The following GKAP1 variants were observed in gnomAD, a reference collection of about 807,000 sequenced individuals.
GKAP1 encodes G kinase-anchoring protein 1.
Under a neutral mutation model 56.7 loss-of-function variants are expected in GKAP1, and 31 were observed. The observed-to-expected ratio is 0.55, with a 90% CI of 0.41 to 0.74. The LOEUF is 0.74. GKAP1 is among the 30% of genes least tolerant of loss of function. GKAP1 has a pLI of 0.00. For synonymous variants in GKAP1, 151 were observed against 138.6 expected, an observed-to-expected ratio of 1.09 and a Z score of -0.63; for missense variants, 364 against 402.3, an observed-to-expected ratio of 0.90 and a Z score of 0.82.
chr9:83,788,568 C>T, intron 5 of GKAP1, 33 bp downstream of exon 5: 1 of 1,264,360 alleles, frequency 7.9e-7, no homozygotes, highest in Non-Finnish European at 1.1e-6. Context: ...ACTTAAACTT[C>T]TAAAATATCT....
chr9:83,785,208 A>G (rs1944043874), intron 5 of GKAP1, among the ~76,000 whole-genome samples: 1 of 152,132 alleles, frequency 6.6e-6, no homozygotes. Flanking sequence ...TTATTGCCAT[A>G]TCCAAAACAC....
In GKAP1 at chr9:83,753,946, A is replaced by G. The variant is rs1052713060; in HGVS notation, c.739-587T>C. Among the ~76,000 whole-genome samples the G allele has an allele frequency of 2.0e-5, 3 of 152,354 alleles. No homozygotes were observed. The East Asian group carries it at 5.8e-4, about 29-fold the overall frequency. ...ACTTTGTAAGTTCAATAACATTTCAATAGAAATCCCAATAGGATGTTGTTC... is the reference window on the plus strand; with the variant it reads ...ACTTTGTAAGTTCAATAACATTTCAGTAGAAATCCCAATAGGATGTTGTTC... On this transcript the variant is annotated intron_variant, in intron 8 of 12. Transcript: ENST00000376371.
chr9:83,767,283 G>C (rs1442845640), intron 8 of GKAP1, among the ~76,000 whole-genome samples: 2 of 152,124 alleles, frequency 1.3e-5, no homozygotes, highest in East Asian at 1.9e-4. Context: ...GTTTGTAGCA[G>C]AGGCTGGCAA....
At chr9:83,804,360 C>A (rs1944393015) in intron 3 of GKAP1, among the ~76,000 whole-genome samples, 1 of 122,426 alleles carries the variant, frequency 8.2e-6, no homozygotes, top group Non-Finnish European at 1.7e-5. Context: ...GGGGTCAGCC[C>A]CCCGCCCGGC....
intron 2 of GKAP1, among the ~76,000 whole-genome samples, chr9:83,815,040 C>T (rs1338560689): frequency 3.9e-5 from 6 of 152,000 alleles, no homozygotes; most frequent in African/African-American, 1.4e-4. Flanking sequence ...GGCATGGTGG[C>T]GCACGCCTGT....
At position 83,788,586 on chromosome 9, in the gene GKAP1, T is replaced by G. The variant is rs2131298562; in HGVS notation, c.438+15A>C. The G allele has an allele frequency of 7.2e-7, 1 of 1,384,832 alleles. No homozygotes were observed. The highest frequency in any genetic ancestry group is 1.0e-6 in the Non-Finnish European group (1 of 992,832). The allele number at this position is 1,384,832 out of a possible 1,614,324, so 85.8% of individuals were successfully genotyped here. ...TAAACTTCTAAAATATCTAAATCAGTAAGTATGTAAATACCTTTTTGTGCT... is the reference window on the plus strand; with the variant it reads ...TAAACTTCTAAAATATCTAAATCAGGAAGTATGTAAATACCTTTTTGTGCT... On this transcript the variant is annotated intron_variant, in intron 5 of 12. Transcript: ENST00000376371.
intron 4 of GKAP1, among the ~76,000 whole-genome samples, chr9:83,794,827 A>G (rs1028385943): frequency 2.0e-5 from 3 of 152,202 alleles, no homozygotes; most frequent in East Asian, 1.9e-4. Flanking sequence ...TTGGTGAACA[A>G]TATGTTTCTT....
intron 7 of GKAP1, among the ~76,000 whole-genome samples, chr9:83,775,479 A>G (rs1172072211): frequency 1.3e-5 from 2 of 152,208 alleles, no homozygotes; most frequent in Non-Finnish European, 2.9e-5. Context: ...ATATCACACC[A>G]TCTAGGAAAT....
chr9:83,740,735 C>A (rs1244062296), intron 12 of GKAP1, among the ~76,000 whole-genome samples: 1 of 152,086 alleles, frequency 6.6e-6, no homozygotes, highest in Non-Finnish European at 1.5e-5. Flanking sequence ...TGGGAACTAC[C>A]TTTTCTGTGG....
rs929950434 is a variant in GKAP1 at position 83,753,376 on chromosome 9, A to G, written c.739-17T>C. 3 of 1,418,284 alleles carry G rather than the reference A, an allele frequency of 2.1e-6. No homozygotes were observed. Among genetic ancestry groups the G allele is most frequent in the Non-Finnish European group, 3.0e-6 (3 of 1,004,074 alleles). 87.9% of individuals were successfully genotyped at this position (1,418,284 alleles called of 1,614,324 possible). A position where few individuals can be genotyped will look rare whatever the true frequency, so the allele number is the denominator to read the frequency against. ...AACCACTTCCTGAAAAGAGAGAAAC[A>G]ACACTTTAGGACTTTGATTATTCCG... On this transcript the variant is annotated splice_polypyrimidine_tract_variant and intron_variant, in intron 8 of 12. Coordinates refer to ENST00000376371, the MANE Select transcript of GKAP1 (RefSeq NM_025211.4).
intron 8 of GKAP1, among the ~76,000 whole-genome samples, chr9:83,765,619 A>T (rs1007224139): frequency 2.6e-5 from 4 of 152,190 alleles, no homozygotes; most frequent in Non-Finnish European, 5.9e-5. Context: ...ACACCATGGG[A>T]GCACATCTCT....
intron 6 of GKAP1, among the ~76,000 whole-genome samples, chr9:83,782,155 T>C (rs1239566292): frequency 6.6e-6 from 1 of 151,920 alleles, no homozygotes; most frequent in Non-Finnish European, 1.5e-5. Context: ...TCTTTCTTTT[T>C]TTTTTAAGAG....
chr9:83,794,501 C>T (rs1311360256), intron 4 of GKAP1, among the ~76,000 whole-genome samples: 1 of 152,060 alleles, frequency 6.6e-6, no homozygotes, highest in East Asian at 1.9e-4. Context: ...TGGAAAAAAA[C>T]CTTTATCAAA....
chr9:83,739,807 T>C, intron 12 of GKAP1, 63 bp from the exon 13 acceptor site: 1 of 1,345,486 alleles, frequency 7.4e-7, no homozygotes, highest in East Asian at 2.3e-5. Context: ...ACCACTTCAT[T>C]TAAAAAATAT....
At chr9:83,774,285 A>T (rs1368307173) in intron 7 of GKAP1, among the ~76,000 whole-genome samples, 1 of 152,084 alleles carries the variant, frequency 6.6e-6, no homozygotes, top group African/African-American at 2.4e-5. Context: ...GGCCTTGGGA[A>T]AGAGTTTATG....
rs60231492 is a variant in GKAP1, at chr9:83,758,373, C to T, written c.739-5014G>A. On this transcript the variant is annotated intron_variant, in intron 8 of 12. Coordinates refer to ENST00000376371, the MANE Select transcript of GKAP1 (RefSeq NM_025211.4). The stretch of plus-strand genomic sequence containing the variant: ...ACAAAAGGGGTTAGAAAACTAGATT[C>T]ATTATTGTTGTAATTATTTTAAAAT... 0.01 allele frequency among the ~76,000 whole-genome samples: 1,585 copies of T among 152,232 alleles called. 124 individuals are homozygous for T. In the East Asian group the frequency reaches 0.2, roughly 20 times the overall value.
At chr9:83,766,444 C>A (rs1163402710) in intron 8 of GKAP1, among the ~76,000 whole-genome samples, 1 of 152,128 alleles carries the variant, frequency 6.6e-6, no homozygotes, top group Non-Finnish European at 1.5e-5. Context: ...CTCACGAGTA[C>A]GTCAGGGTAG....
intron 2 of GKAP1, among the ~76,000 whole-genome samples, chr9:83,816,138 G>A (rs964662531): frequency 4.0e-5 from 6 of 151,244 alleles, no homozygotes; most frequent in African/African-American, 1.2e-4. Context: ...GCTGTGAGCC[G>A]AGATCGCGCC....
chr9:83,766,033 G>A (rs1372241235), intron 8 of GKAP1, among the ~76,000 whole-genome samples: 3 of 152,172 alleles, frequency 2.0e-5, no homozygotes, highest in African/African-American at 7.2e-5. Context: ...CCACCTGAAT[G>A]TCATCTTGAA....
Sources: allele counts gnomAD v4.1 joint callset (sites outside exome capture counted in the v4.1 genomes callset), GRCh38; gene constraint gnomAD v4.1.1; transcripts MANE v1.5; gene names NCBI Gene and HGNC (gene_info 2026-07-23, HGNC 2026-07-21).